Variants in CCDC7 observed in about 807,000 individuals in gnomAD.
CCDC7 encodes coiled-coil domain containing 7, also known as coiled-coil domain-containing protein 7.
CCDC7 carries 183 observed loss-of-function variants against 196.9 expected under a neutral mutation model. That is an observed-to-expected ratio of 0.93 (90% CI 0.82 to 1.05). The LOEUF is 1.05. Ranked by LOEUF, CCDC7 falls within the 50% of genes least tolerant of loss-of-function variation. The probability of loss-of-function intolerance (pLI) is 0.00; values close to 1 mark genes in which losing one functional copy is unlikely to be tolerated. For synonymous variants in CCDC7, 525 were observed against 484.6 expected, an observed-to-expected ratio of 1.08 and a Z score of -1.10; for missense variants, 1,540 against 1,482.2, an observed-to-expected ratio of 1.04 and a Z score of -0.64.
At chr10:32,445,308 A>C (rs1312974383), upstream of CCDC7, among the ~76,000 whole-genome samples, 3 of 152,190 alleles carry the variant, frequency 2.0e-5, no homozygotes, top group Non-Finnish European at 4.4e-5. Flanking sequence ...GGAGCTGATA[A>C]ATTTTCAGGA....
chr10:32,701,749 G>A (rs1162793539), intron 24 of CCDC7, among the ~76,000 whole-genome samples: 1 of 151,930 alleles, frequency 6.6e-6, no homozygotes, highest in Non-Finnish European at 1.5e-5. Context: ...GTCTTGGGAG[G>A]GTGTATGTGT....
At chr10:32,519,633 A>G (rs1159626544) in intron 11 of CCDC7, among the ~76,000 whole-genome samples, 1 of 152,126 alleles carries the variant, frequency 6.6e-6, no homozygotes, top group East Asian at 1.9e-4. Context: ...TATGGGGTAC[A>G]TGAGATATTT....
chr10:32,641,811 G>T (rs1220644347), intron 20 of CCDC7, among the ~76,000 whole-genome samples: 1 of 152,170 alleles, frequency 6.6e-6, no homozygotes, highest in East Asian at 1.9e-4. Context: ...TGATGATGGT[G>T]ACGAACAGAT....
chr10:32,847,316 T>C (rs2093341326), intron 37 of CCDC7, among the ~76,000 whole-genome samples: 2 of 152,136 alleles, frequency 1.3e-5, no homozygotes, highest in Non-Finnish European at 2.9e-5. Flanking sequence ...GCAAAAATTA[T>C]TAACATGCAA....
chr10:32,558,275 AT>A (rs1344230965), intron 13 of CCDC7, among the ~76,000 whole-genome samples: 3 of 151,944 alleles, frequency 2.0e-5, no homozygotes, highest in Non-Finnish European at 2.9e-5. Flanking sequence ...GATTATTATT[AT>A]TTTTTTCTTT....
At chr10:32,658,433 A>T (rs1181476774) in intron 20 of CCDC7, among the ~76,000 whole-genome samples, 1 of 125,034 alleles carries the variant, frequency 8.0e-6, no homozygotes, top group Non-Finnish European at 1.6e-5. Context: ...AGGGGGAAAA[A>T]CCTCTTATAA....
At chr10:32,523,563 A>C (rs1278560763) in intron 11 of CCDC7, among the ~76,000 whole-genome samples, 1 of 147,982 alleles carries the variant, frequency 6.8e-6, no homozygotes, top group Non-Finnish European at 1.5e-5. Flanking sequence ...AAAAAAAAAA[A>C]CCGTAGGGTG....
At chr10:32,568,797 A>C (rs2057211197) in intron 15 of CCDC7, among the ~76,000 whole-genome samples, 1 of 152,250 alleles carries the variant, frequency 6.6e-6, no homozygotes, top group Non-Finnish European at 1.5e-5. Flanking sequence ...CATTCTGAGA[A>C]TGAAACCAAA....
intron 22 of CCDC7, among the ~76,000 whole-genome samples, chr10:32,687,841 A>G (rs1364830507): frequency 1.3e-5 from 2 of 152,156 alleles, no homozygotes; most frequent in African/African-American, 4.8e-5. Context: ...CACATGTGTT[A>G]TAGGTATCGT....
At chr10:32,714,802 C>T (rs186150767) in intron 25 of CCDC7, among the ~76,000 whole-genome samples, 42 of 152,308 alleles carry the variant, frequency 2.8e-4, no homozygotes, top group Non-Finnish European at 5.6e-4. Flanking sequence ...CGGTGCAGAA[C>T]CCACCACGGC....
chr10:32,636,622 C>T (rs1034178372), intron 20 of CCDC7, among the ~76,000 whole-genome samples: 2 of 152,154 alleles, frequency 1.3e-5, no homozygotes, highest in Non-Finnish European at 2.9e-5. Flanking sequence ...TTAACCCAGT[C>T]TATCATTGTT....
intron 18 of CCDC7, among the ~76,000 whole-genome samples, chr10:32,597,842 G>T (rs898913475): frequency 6.6e-6 from 1 of 152,178 alleles, no homozygotes; most frequent in African/African-American, 2.4e-5. Flanking sequence ...AGCAAATGTT[G>T]CTGCGTAATC....
chr10:32,777,494 C>A lies in CCDC7; in HGVS notation c.2906-1483C>A, dbSNP rs145878961. Among the ~76,000 whole-genome samples the A allele has an allele frequency of 1.4e-3, 205 of 151,570 alleles. 1 individual carries two copies. Among genetic ancestry groups the A allele is most frequent in the African/African-American group, 3.8e-3 (159 of 41,530 alleles). On this transcript the variant is annotated intron_variant, in intron 28 of 41. Coordinates refer to ENST00000639629, the Ensembl canonical transcript of CCDC7. Reference sequence around the variant, plus strand: ...GTGTTTAGACTAATTTACATTCCCACCAACAGTGTGTACATGTCCCCTTTT... The same window carrying A: ...GTGTTTAGACTAATTTACATTCCCAACAACAGTGTGTACATGTCCCCTTTT...
At chr10:32,881,257 C>A (rs2094780602), downstream of CCDC7, among the ~76,000 whole-genome samples, 1 of 152,088 alleles carries the variant, frequency 6.6e-6, no homozygotes, top group East Asian at 1.9e-4. Flanking sequence ...GCAGGGGCAA[C>A]TGCCTACTTC....
chr10:32,857,882 T>G (rs1221623516), intron 41 of CCDC7, among the ~76,000 whole-genome samples: 1 of 151,662 alleles, frequency 6.6e-6, no homozygotes, highest in African/African-American at 2.4e-5. Flanking sequence ...GACAAAATCC[T>G]TGCTAGGCAA....
At chr10:32,786,475 T>C (rs535775286) in intron 29 of CCDC7, among the ~76,000 whole-genome samples, 2 of 152,294 alleles carry the variant, frequency 1.3e-5, no homozygotes, top group East Asian at 3.9e-4. Flanking sequence ...AACCACTATA[T>C]AAGGCCAGGG....
chr10:32,616,954 A>C (rs183557549), intron 18 of CCDC7, among the ~76,000 whole-genome samples: 2 of 146,796 alleles, frequency 1.4e-5, no homozygotes. Flanking sequence ...GATGTATTTC[A>C]TTTATTGATT....
chr10:32,821,836 G>A (rs527627294), intron 31 of CCDC7, among the ~76,000 whole-genome samples: 4 of 152,126 alleles, frequency 2.6e-5, no homozygotes, highest in Non-Finnish European at 5.9e-5. Flanking sequence ...GGGAGGGATA[G>A]CATTAGGAGA....
intron 28 of CCDC7, 61 bp from the exon 30 acceptor site, chr10:32,778,916 G>T: frequency 8.2e-7 from 1 of 1,219,174 alleles, no homozygotes; most frequent in Non-Finnish European, 1.2e-6. Flanking sequence ...TGCATTGCTA[G>T]GTGTTTCACA....
Sources: allele counts gnomAD v4.1 joint callset (sites outside exome capture counted in the v4.1 genomes callset), GRCh38; gene constraint gnomAD v4.1.1; transcripts MANE v1.5; gene names NCBI Gene and HGNC (gene_info 2026-07-23, HGNC 2026-07-21).